ING5: variants seen among roughly 807,000 people sequenced by gnomAD.
ING5 encodes inhibitor of growth protein 5.
A neutral mutation model predicts 37.4 loss-of-function variants in ING5; 17 were observed. The observed-to-expected ratio is 0.45, with a 90% CI of 0.31 to 0.68. ING5 has a LOEUF of 0.68. Ranked by LOEUF, ING5 falls within the 30% of genes least tolerant of loss-of-function variation. The pLI is 0.05. For missense variants in ING5, 233 were observed against 311.9 expected (o/e 0.75, Z 1.91); for synonymous variants, 123 against 116.6 (o/e 1.06, Z -0.36).
intron 1 of ING5, among the ~76,000 whole-genome samples, chr2:241,702,471 C>T (rs1028424580): frequency 6.6e-6 from 1 of 152,186 alleles, no homozygotes; most frequent in Non-Finnish European, 1.5e-5. Flanking sequence ...AGGTCCCGCC[C>T]GTCCCTGTCC....
chr2:241,697,434 C>CAAA (rs1189871969), upstream of ING5, among the ~76,000 whole-genome samples: 8 of 69,586 alleles, frequency 1.1e-4, no homozygotes, highest in East Asian at 3.4e-4. Context: ...GACTCTGTCT[C>CAAA]AAAAAAAAAA....
rs915528017 is a variant in ING5 at position 241,723,283 on chromosome 2, G to A, written c.680+12G>A. 6.2e-7 allele frequency: 1 copy of A among 1,613,404 alleles called. No homozygotes were observed. Among genetic ancestry groups the A allele is most frequent in the Non-Finnish European group, 8.5e-7 (1 of 1,179,282 alleles). On this transcript the variant is annotated intron_variant, in intron 7 of 7. Coordinates refer to ENST00000313552, the MANE Select transcript of ING5 (RefSeq NM_032329.6). ...CCCAAAGGAAAATGGTGAGTGTGGGGACGCTCGCTCTGTTTTCTCCCAGTC... is the reference window on the plus strand; with the variant it reads ...CCCAAAGGAAAATGGTGAGTGTGGGAACGCTCGCTCTGTTTTCTCCCAGTC...
intron 2 of ING5, among the ~76,000 whole-genome samples, chr2:241,705,815 C>G (rs1039846448): frequency 6.6e-6 from 1 of 152,166 alleles, no homozygotes; most frequent in African/African-American, 2.4e-5. Flanking sequence ...CTGTACTTCT[C>G]CAGTGGCCCC....
intron 5 of ING5, chr2:241,722,403 C>G (rs539158546): frequency 1.0e-6 from 1 of 985,240 alleles, no homozygotes. Flanking sequence ...ACCAGAACCC[C>G]GGTGCTGTGG....
intron 7 of ING5, 78 bp from the exon 8 acceptor site, chr2:241,724,911 A>G (rs1691547123): frequency 6.8e-7 from 1 of 1,475,230 alleles, no homozygotes; most frequent in Admixed American, 1.7e-5. Context: ...CCTGGGAGAC[A>G]TGGGGAGGCG....
chr2:241,718,383 CCCTTCCTT>C (rs1165649857), intron 5 of ING5, among the ~76,000 whole-genome samples: 1 of 135,234 alleles, frequency 7.4e-6, no homozygotes, highest in African/African-American at 2.7e-5. Flanking sequence ...CTCCCTCCCT[CCCTTCCTT>C]CCTTCCTTCC....
intron 3 of ING5, among the ~76,000 whole-genome samples, chr2:241,710,377 A>G (rs2070070848): frequency 6.6e-6 from 1 of 151,982 alleles, no homozygotes; most frequent in Admixed American, 6.6e-5. Context: ...GCTGCAGTTC[A>G]GTGCAACCTC....
intron 5 of ING5, chr2:241,721,664 C>G (rs1383532879): frequency 9.1e-6 from 9 of 985,094 alleles, no homozygotes; most frequent in Non-Finnish European, 1.1e-5. Flanking sequence ...GTTTACATAC[C>G]AACTAGATAT....
At chr2:241,708,789 G>T (rs1408032121) in intron 2 of ING5, among the ~76,000 whole-genome samples, 3 of 152,128 alleles carry the variant, frequency 2.0e-5, no homozygotes, top group Non-Finnish European at 4.4e-5. Flanking sequence ...TGTTTCCCGT[G>T]TGGATTTCTT....
chr2:241,721,650 C>T (rs2070439883), intron 5 of ING5: 2 of 985,300 alleles, frequency 2.0e-6, no homozygotes, highest in African/African-American at 3.5e-5. Flanking sequence ...TGCTAACCTG[C>T]TGTGTTTACA....
chr2:241,721,979 A>T, intron 5 of ING5: 1 of 985,262 alleles, frequency 1.0e-6, no homozygotes, highest in Non-Finnish European at 1.2e-6. Flanking sequence ...AGTGACAAGG[A>T]TGGTGTGTGG....
intron 2 of ING5, among the ~76,000 whole-genome samples, chr2:241,696,016 T>A (rs1203757557): frequency 6.6e-6 from 1 of 152,020 alleles, no homozygotes; most frequent in Non-Finnish European, 1.5e-5. Context: ...GAAGATTGCT[T>A]GAGCCCAGGA....
chr2:241,702,705 C>A (rs2069781677), intron 1 of ING5, among the ~76,000 whole-genome samples: 1 of 152,236 alleles, frequency 6.6e-6, no homozygotes. Flanking sequence ...TGTGCTGTTT[C>A]CAGGTGGCAG....
At position 241,725,372 on chromosome 2, in the gene ING5, C is replaced by T. The variant is rs570379631; in HGVS notation, c.*341C>T. The T allele has an allele frequency of 7.6e-3, 2,341 of 308,666 alleles. 25 individuals carry two copies. Among genetic ancestry groups the T allele is most frequent in the Admixed American group, 9.5e-3 (200 of 21,034 alleles). The allele number at this position is 308,666 out of a possible 1,614,324, so 19.1% of individuals were successfully genotyped here. A position where few individuals can be genotyped will look rare whatever the true frequency, so the allele number is the denominator to read the frequency against. The stretch of plus-strand genomic sequence containing the variant: ...GGTAACCTGGTCCACGGAGGGCGGC[C>T]GCCACCCTCGCGTAGCTTTCCTGTG... On this transcript the variant is annotated 3_prime_UTR_variant, in exon 8 of 8. Transcript: ENST00000313552.
At chr2:241,715,702 G>A (rs1195564894) in intron 5 of ING5, among the ~76,000 whole-genome samples, 1 of 151,870 alleles carries the variant, frequency 6.6e-6, no homozygotes, top group Non-Finnish European at 1.5e-5. Context: ...GGCCAGGCTG[G>A]TCTTGAACTC....
At chr2:241,698,445 C>T (rs1346253063), upstream of ING5, among the ~76,000 whole-genome samples, 1 of 150,544 alleles carries the variant, frequency 6.6e-6, no homozygotes, top group Non-Finnish European at 1.5e-5. Context: ...AATATTGTTT[C>T]ATCGATTGTA....
At position 241,693,958 on chromosome 2, in the gene ING5, C is replaced by T. The variant is rs141502918; in HGVS notation, c.43+3305C>T. 3.3e-5 allele frequency among the ~76,000 whole-genome samples: 5 copies of T among 151,568 alleles called. No homozygotes were observed. In the South Asian group the frequency reaches 1.0e-3, roughly 32 times the overall value. On this transcript the variant is annotated intron_variant, in intron 2 of 7. Transcript: ENST00000636051. ...ACAGGCATGAGCCACCGCGCCTGGC[C>T]CTCTCTGGCAGTTTCTAAAACAGGG...
Position 241,705,394 on chromosome 2 carries a change from C to CTTTTTTTT in ING5, c.109+684_109+691dup, listed in dbSNP as rs774566608. On this transcript the variant is annotated intron_variant, in intron 2 of 7. Coordinates refer to ENST00000313552, the MANE Select transcript of ING5 (RefSeq NM_032329.6). The stretch of plus-strand genomic sequence containing the variant: ...CGCCTGGCCCTAACTCTGTTTTTTT[C>CTTTTTTTT]TTTTTTTTTTTTTTTTTTTTTGAGA... Among the ~76,000 whole-genome samples the CTTTTTTTT allele has an allele frequency of 1.3e-4, 15 of 117,292 alleles. 1 individual carries two copies. The East Asian group carries it at 1.3e-3, about 10-fold the overall frequency. 76.9% of individuals were successfully genotyped at this position (117,292 alleles called of 152,430 possible).
chr2:241,709,335 G>T lies in ING5; in HGVS notation c.229G>T (p.Glu77Ter). The T allele has an allele frequency of 6.2e-7, 1 of 1,613,850 alleles. No homozygotes were observed. The highest frequency in any genetic ancestry group is 8.5e-7 in the Non-Finnish European group (1 of 1,180,012). ...KIQNAYSKCK[E>*]YSDDKVQLAM... Reference sequence around the variant, plus strand: ...CCAGAACGCCTACAGCAAGTGCAAGGAATACAGTGACGACAAAGTGCAGCT... The same window carrying T: ...CCAGAACGCCTACAGCAAGTGCAAGTAATACAGTGACGACAAAGTGCAGCT... Residue 77 changes from glutamate (E) to a stop codon, truncating the protein, a stop_gained, in exon 3 of 8, where the codon GAA becomes TAA. Coordinates refer to ENST00000313552, the MANE Select transcript of ING5 (RefSeq NM_032329.6). LOFTEE classifies it high-confidence loss of function.
Sources: gnomAD v4.1 joint callset for allele counts (sites outside exome capture counted in the v4.1 genomes callset) on GRCh38, gnomAD v4.1.1 for gene constraint, MANE v1.5 for transcripts, NCBI Gene and HGNC (gene_info 2026-07-23, HGNC 2026-07-21) for gene names.